Variants in MAP3K13 observed in about 807,000 individuals in gnomAD.
The protein encoded by MAP3K13 is mitogen-activated protein kinase kinase kinase 13.
MAP3K13 carries 52 observed loss-of-function variants against 104.0 expected under a neutral mutation model. The observed-to-expected ratio is 0.50, with a 90% CI of 0.40 to 0.63. The LOEUF (loss-of-function observed/expected upper bound fraction) is 0.63. MAP3K13 is among the 20% of genes least tolerant of loss of function. The pLI is 0.00. For missense variants in MAP3K13, 914 were observed against 1,218.5 expected (o/e 0.75, Z 3.72); for synonymous variants, 394 against 442.2 (o/e 0.89, Z 1.37).
At chr3:185,368,422 A>G (rs1723993574) in intron 1 of MAP3K13, among the ~76,000 whole-genome samples, 1 of 152,282 alleles carries the variant, frequency 6.6e-6, no homozygotes, top group South Asian at 2.1e-4. Flanking sequence ...CTTCTGTAGC[A>G]CTGCTCTGGA....
chr3:185,462,799 A>AT (rs544409593), intron 7 of MAP3K13, among the ~76,000 whole-genome samples: 90 of 152,142 alleles, frequency 5.9e-4, no homozygotes, highest in African/African-American at 1.8e-3. Flanking sequence ...AAATAAACAA[A>AT]TTTTTTTTAA....
At chr3:185,428,472 C>T (rs1714552701) in intron 1 of MAP3K13, 25 bp from the exon 2 acceptor site, 20 of 1,418,556 alleles carry the variant, frequency 1.4e-5, no homozygotes, top group Non-Finnish European at 1.9e-5. Context: ...AGGATGATCT[C>T]TTATCTCCCT....
intron 7 of MAP3K13, among the ~76,000 whole-genome samples, chr3:185,460,573 T>C (rs959961396): frequency 8.5e-5 from 13 of 152,228 alleles, no homozygotes; most frequent in Non-Finnish European, 2.9e-5. Context: ...CTCCCTTTCT[T>C]CATATGTGCC....
chr3:185,447,997 G>A (rs376501774), intron 5 of MAP3K13, 50 bp downstream of exon 5: 17 of 1,550,382 alleles, frequency 1.1e-5, no homozygotes, highest in Admixed American at 9.2e-5. Context: ...TCCCACTTTC[G>A]CCCTATTAGC....
At chr3:185,383,324 C>T (rs1301026508) in intron 1 of MAP3K13, among the ~76,000 whole-genome samples, 12 of 151,964 alleles carry the variant, frequency 7.9e-5, no homozygotes, top group Admixed American at 3.9e-4. Flanking sequence ...AATAAACATA[C>T]GTGTGCATGT....
rs751190196 is a variant in MAP3K13, at chr3:185,428,771, G to A, written c.190G>A (p.Val64Ile). ...GCTAATCGAGAGCGTGCACAGCCCC[G>A]TCACCACAACAGTGTTGACGAGCGT... Reference protein sequence around the residue: ...TELIESVHSPVTTTVLTSVSE... With the variant: ...TELIESVHSPITTTVLTSVSE... Residue 64 changes from valine to isoleucine, a missense_variant, in exon 2 of 14, where the codon GTC becomes ATC. Around this residue, in one of 3 missense-constraint regions of MAP3K13, gnomAD observed 156 missense variants for 159.8 expected, o/e 0.98. Transcript: ENST00000265026. 10 of 1,614,150 alleles carry A rather than the reference G, an allele frequency of 6.2e-6. No homozygotes were observed. Among genetic ancestry groups the A allele is most frequent in the Middle Eastern group, 1.6e-4 (1 of 6,062 alleles).
intron 2 of MAP3K13, among the ~76,000 whole-genome samples, chr3:185,305,066 T>C (rs1024054684): frequency 2.0e-5 from 3 of 152,244 alleles, no homozygotes; most frequent in Admixed American, 6.5e-5. Context: ...TTAAAATCCA[T>C]TTTCTATGTC....
chr3:185,384,676 G>A (rs1214011615), intron 1 of MAP3K13, among the ~76,000 whole-genome samples: 2 of 152,042 alleles, frequency 1.3e-5, no homozygotes, highest in Admixed American at 6.6e-5. Flanking sequence ...TCTCACTGTG[G>A]TTTGATTTGC....
intron 2 of MAP3K13, among the ~76,000 whole-genome samples, chr3:185,302,561 A>G (rs1721146000): frequency 6.6e-6 from 1 of 151,894 alleles, no homozygotes; most frequent in Non-Finnish European, 1.5e-5. Flanking sequence ...CCTTCTTTAC[A>G]TTTATTCCTA....
At chr3:185,320,905 G>T (rs1222640891) in intron 2 of MAP3K13, among the ~76,000 whole-genome samples, 1 of 152,110 alleles carries the variant, frequency 6.6e-6, no homozygotes, top group East Asian at 1.9e-4. Flanking sequence ...GGTCTCAGTT[G>T]TTTTTATATA....
At chr3:185,400,102 C>A (rs1174592942) in intron 1 of MAP3K13, among the ~76,000 whole-genome samples, 1 of 152,184 alleles carries the variant, frequency 6.6e-6, no homozygotes, top group Non-Finnish European at 1.5e-5. Flanking sequence ...TTCACCTCTC[C>A]ATAGTTCTCT....
intron 3 of MAP3K13, among the ~76,000 whole-genome samples, chr3:185,440,532 T>C (rs1407850223): frequency 1.3e-5 from 2 of 152,104 alleles, no homozygotes; most frequent in Non-Finnish European, 2.9e-5. Context: ...AAGAGACATA[T>C]AACCGGAACT....
chr3:185,455,614 TGAGATATATGA>T (rs1716577888), intron 7 of MAP3K13, among the ~76,000 whole-genome samples: 1 of 110,228 alleles, frequency 9.1e-6, no homozygotes, highest in African/African-American at 3.5e-5. Flanking sequence ...ATCATATATA[TGAGATATATGA>T]TATATATATG....
At chr3:185,475,140 A>C (rs1718042056) in intron 11 of MAP3K13, among the ~76,000 whole-genome samples, 1 of 151,320 alleles carries the variant, frequency 6.6e-6, no homozygotes, top group African/African-American at 2.4e-5. Flanking sequence ...TAGTACCTCT[A>C]TGGACCTCAG....
rs139312268 is a variant in MAP3K13 at position 185,420,054 on chromosome 3, T to G, written c.-85-8443T>G. ...TTTTATTTTTTTGATGTCTCCAGCA[T>G]ACTTCAAGATTATTAAACATTCATA... On this transcript the variant is annotated intron_variant, in intron 1 of 13. Transcript: ENST00000265026. Among the ~76,000 whole-genome samples the G allele has an allele frequency of 3.6e-3, 544 of 152,358 alleles. 2 individuals are homozygous for G. Among genetic ancestry groups the G allele is most frequent in the Non-Finnish European group, 4.5e-3 (303 of 68,036 alleles).
intron 1 of MAP3K13, among the ~76,000 whole-genome samples, chr3:185,383,852 G>A (rs901602474): frequency 6.6e-6 from 1 of 152,022 alleles, no homozygotes; most frequent in Non-Finnish European, 1.5e-5. Context: ...CACACTTATG[G>A]GATACATATG....
chr3:185,325,482 C>T (rs910587058), intron 2 of MAP3K13, among the ~76,000 whole-genome samples: 4 of 152,198 alleles, frequency 2.6e-5, no homozygotes, highest in African/African-American at 7.2e-5. Flanking sequence ...GAGGAACTTG[C>T]AGCCGTCACG....
chr3:185,286,916 C>A (rs1235775058), intron 2 of MAP3K13, among the ~76,000 whole-genome samples: 1 of 151,946 alleles, frequency 6.6e-6, no homozygotes, highest in Non-Finnish European at 1.5e-5. Context: ...AAACAAACAG[C>A]AAGGCTTTAG....
chr3:185,337,434 G>C lies in MAP3K13; in HGVS notation c.-86+51791G>C, dbSNP rs145666059. Among the ~76,000 whole-genome samples the C allele has an allele frequency of 1.4e-3, 208 of 152,274 alleles. 1 individual carries two copies. The highest frequency in any genetic ancestry group is 4.7e-3 in the African/African-American group (195 of 41,544). ...AACACAAAGTAAACACACGCTTTAC[G>C]GTATTTTATGACACATCTCATCTAA... On this transcript the variant is annotated intron_variant, in intron 2 of 14. Transcript: ENST00000424227.
Sources: gnomAD v4.1 joint callset for allele counts (sites outside exome capture counted in the v4.1 genomes callset) on GRCh38, gnomAD v4.1.1 for gene constraint, gnomAD v4.1.1 regional missense constraint, MANE v1.5 for transcripts, NCBI Gene and HGNC (gene_info 2026-07-23, HGNC 2026-07-21) for gene names.